KDM5C: variants seen among roughly 807,000 people sequenced by gnomAD.
KDM5C encodes the protein lysine demethylase 5C.
In KDM5C, 16 loss-of-function variants were observed where a neutral mutation model predicts 110.6. The ratio of observed to expected loss-of-function variants is 0.14; its 90% CI spans 0.10 to 0.22. The LOEUF (loss-of-function observed/expected upper bound fraction) is 0.22, where lower values mean the gene tolerates loss of function less well. KDM5C is among the 10% of genes least tolerant of loss of function. KDM5C has a pLI of 1.00. For missense variants in KDM5C, 681 were observed against 1,300.9 expected (o/e 0.52, Z 7.33); for synonymous variants, 511 against 520.4 (o/e 0.98, Z 0.24).
intron 14 of KDM5C, among the ~76,000 whole-genome samples, chrX:53,200,641 C>T (rs2073111427): frequency 8.9e-6 from 1 of 111,976 alleles, no homozygotes; most frequent in Non-Finnish European, 1.9e-5. Flanking sequence ...CTATAGCCCA[C>T]ACTCACAGGA....
chrX:53,198,970 T>C lies in KDM5C; in HGVS notation c.2243+7A>G, dbSNP rs2073057664. 1 of 1,210,344 alleles carries C rather than the reference T, an allele frequency of 8.3e-7. No individual in the cohort carries two copies. Among genetic ancestry groups the C allele is most frequent in the Non-Finnish European group, 1.1e-6 (1 of 895,159 alleles). On this transcript the variant is annotated splice_region_variant and intron_variant, in intron 15 of 25. Coordinates refer to ENST00000375401, the MANE Select transcript of KDM5C (RefSeq NM_004187.5). ...GCCCCACTTCCTCCAGAAAGGCCCA[T>C]GCTCACCGCAGGTACTGCCGGCTAC...
intron 8 of KDM5C, 71 bp from the exon 9 acceptor site, chrX:53,211,977 G>C (rs2073576855): frequency 1.5e-5 from 17 of 1,155,194 alleles, no homozygotes; most frequent in Non-Finnish European, 1.9e-5. Flanking sequence ...AGTGGAACTG[G>C]AATATAAGGG....
chrX:53,210,609 A>T (rs1556848271), intron 11 of KDM5C, 33 bp from the exon 12 acceptor site: 2 of 1,211,338 alleles, frequency 1.7e-6, no homozygotes, highest in Admixed American at 4.3e-5. Flanking sequence ...CACACAGTAA[A>T]TCACACCTTG....
downstream of KDM5C, among the ~76,000 whole-genome samples, chrX:53,189,933 G>C (rs782477869): frequency 2.7e-5 from 3 of 112,613 alleles, no homozygotes; most frequent in East Asian, 8.4e-4. Flanking sequence ...GAAGGGTTTG[G>C]GTAAAGTCCT....
intron 25 of KDM5C, among the ~76,000 whole-genome samples, chrX:53,180,360 C>A (rs1055228622): frequency 9.0e-6 from 1 of 111,032 alleles, no homozygotes; most frequent in African/African-American, 3.3e-5. Flanking sequence ...GGATACATGT[C>A]ATTATACATT....
rs781943149 is a variant in KDM5C, at chrX:53,194,586, C to T, written c.3591G>A (p.Ala1197=). The T allele has an allele frequency of 4.1e-6, 5 of 1,210,338 alleles. No homozygotes were observed. The African/African-American group carries it at 5.2e-5, about 13-fold the overall frequency. ...GACACAGGTCACACTGCAGAGCTCC[C>T]GCCCCAGCCAGCACCTGCCCACACA... ...ICVCGQVLAG[A]GALQCDLCQD... Residue 1197 remains alanine (A), a synonymous_variant, in exon 23 of 26, where the codon GCG becomes GCA. Coordinates refer to ENST00000375401, the MANE Select transcript of KDM5C (RefSeq NM_004187.5).
chrX:53,224,429 C>T (rs1305662267), intron 1 of KDM5C, among the ~76,000 whole-genome samples: 8 of 111,794 alleles, frequency 7.2e-5, no homozygotes, highest in Non-Finnish European at 1.5e-4. Flanking sequence ...ACCTAGGTGG[C>T]CCGGGCTAAG....
downstream of KDM5C, among the ~76,000 whole-genome samples, chrX:53,187,765 CTT>C (rs112880217): frequency 1.0e-5 from 1 of 100,064 alleles, no homozygotes; most frequent in Admixed American, 1.1e-4. Flanking sequence ...AAATAATTTT[CTT>C]TTTTTTTTTT....
At chrX:53,183,210 G>C (rs1569250285) in intron 25 of KDM5C, among the ~76,000 whole-genome samples, 1 of 98,264 alleles carries the variant, frequency 1.0e-5, no homozygotes, top group Non-Finnish European at 2.0e-5. Flanking sequence ...AGGACTGCTC[G>C]AGCCCAGGAG....
At chrX:53,212,041 T>G in intron 8 of KDM5C, 135 bp from the exon 9 acceptor site, 6 of 746,700 alleles carry the variant, frequency 8.0e-6, no homozygotes, top group Non-Finnish European at 1.2e-5. Flanking sequence ...AGGCAGGCCT[T>G]ACTTTACAGC....
downstream of KDM5C, among the ~76,000 whole-genome samples, chrX:53,188,293 AC>A (rs1436694482): frequency 9.3e-6 from 1 of 107,974 alleles, no homozygotes; most frequent in African/African-American, 3.4e-5. Flanking sequence ...CTCCAAGATG[AC>A]CCCCAATGAC....
intron 25 of KDM5C, among the ~76,000 whole-genome samples, chrX:53,179,134 T>C (rs1933959974): frequency 9.0e-6 from 1 of 110,783 alleles, no homozygotes; most frequent in Non-Finnish European, 1.9e-5. Flanking sequence ...CTTGGGAGGC[T>C]GAGGCGGGAG....
chrX:53,187,608 TA>T (rs1254258621), downstream of KDM5C, among the ~76,000 whole-genome samples: 1 of 110,888 alleles, frequency 9.0e-6, no homozygotes, highest in East Asian at 2.8e-4. Context: ...ACTTGCCTCT[TA>T]AGTCTCACAA....
In KDM5C at chrX:53,193,650, G is replaced by A. The variant is rs782147237; in HGVS notation, c.4118-14C>T. ...GCAGCTCCAGATCTAGGAGGTTGCA[G>A]GAACAAGCGGCATTAGAGGCTGCCC... is the stretch of plus-strand genomic sequence containing the variant. On this transcript the variant is annotated splice_polypyrimidine_tract_variant and intron_variant, in intron 24 of 25. Coordinates refer to ENST00000375401, the MANE Select transcript of KDM5C (RefSeq NM_004187.5). 2 of 1,208,457 alleles carry A rather than the reference G, an allele frequency of 1.7e-6. No homozygotes were observed. Among genetic ancestry groups the A allele is most frequent in the Admixed American group, 4.3e-5 (2 of 46,027 alleles).
intron 18 of KDM5C, chrX:53,197,561 T>C (rs1178161102): frequency 2.3e-6 from 1 of 437,239 alleles, no homozygotes; most frequent in Non-Finnish European, 4.1e-6. Flanking sequence ...CTCTGTATCC[T>C]ATACCCATAC....
At chrX:53,219,100 G>C (rs1306850533) in intron 2 of KDM5C, among the ~76,000 whole-genome samples, 1 of 112,501 alleles carries the variant, frequency 8.9e-6, no homozygotes, top group African/African-American at 3.2e-5. Flanking sequence ...TTTGAGCTTT[G>C]GCTCTCCCTC....
rs1362268096 is a variant in KDM5C at position 53,217,834 on chromosome X, A to G, written c.484T>C (p.Tyr162His). ...LLRSHYERIV[Y>H]PYEMYQSGAN... is the part of the protein sequence containing the mutation. ...CCAGACTGGTACATTTCATAGGGATAAACAATGCGTTCGTAGTGGGAGCGT... is the reference window on the plus strand; with the variant it reads ...CCAGACTGGTACATTTCATAGGGATGAACAATGCGTTCGTAGTGGGAGCGT... The change falls in exon 4 of 26, where the codon TAT becomes CAT. Residue 162 changes from tyrosine to histidine, a missense_variant. Physicochemically the swap from Tyr to His is moderately conservative, Grantham distance 83. Around this residue, in one of 14 missense-constraint regions of KDM5C, gnomAD observed 55 missense variants for 118.0 expected, o/e 0.47. Coordinates refer to ENST00000375401, the MANE Select transcript of KDM5C (RefSeq NM_004187.5). 8.3e-7 allele frequency: 1 copy of G among 1,209,975 alleles called. No individual in the cohort carries two copies.
intron 19 of KDM5C, among the ~76,000 whole-genome samples, chrX:53,196,335 T>C (rs781785200): frequency 8.9e-6 from 1 of 112,513 alleles, no homozygotes; most frequent in African/African-American, 3.2e-5. Flanking sequence ...ACCTGTATTG[T>C]GTAATCTGTT....
rs1556835925 is a variant in KDM5C at position 53,195,320 on chromosome X, G to T, written c.3211C>A (p.Leu1071Ile). 3 of 1,204,892 alleles carry T rather than the reference G, an allele frequency of 2.5e-6. No individual in the cohort carries two copies. Among genetic ancestry groups the T allele is most frequent in the Non-Finnish European group, 3.4e-6 (3 of 891,483 alleles). ...TGCGCTGTCAGTACCTGTAGCTCTA[G>T]CTGTCTCAGCTCCTCCAGCCCCACA... ...LPVGLEELRQ[L>I]ELQVLTAHSW... The change falls in exon 21 of 26, where the codon CTA (leucine) becomes ATA (isoleucine). Residue 1071 changes from leucine to isoleucine, a missense_variant. Leu to Ile is a conservative substitution (Grantham distance 5, BLOSUM62 2). Transcript: ENST00000375401.
Sources: gnomAD v4.1 joint callset for allele counts (sites outside exome capture counted in the v4.1 genomes callset) on GRCh38, gnomAD v4.1.1 for gene constraint, gnomAD v4.1.1 regional missense constraint, MANE v1.5 for transcripts, NCBI Gene and HGNC (gene_info 2026-07-23, HGNC 2026-07-21) for gene names.